Variants in NAALADL2 observed in about 807,000 individuals in gnomAD.
NAALADL2 encodes the protein inactive N-acetylated-alpha-linked acidic dipeptidase-like protein 2.
Under a neutral mutation model 87.2 loss-of-function variants are expected in NAALADL2, and 76 were observed. The ratio of observed to expected loss-of-function variants is 0.87; its 90% confidence interval spans 0.72 to 1.05. NAALADL2 has a LOEUF of 1.05. Among genes scored for constraint, NAALADL2 ranks in the 50% least tolerant of loss-of-function variants. The probability of loss-of-function intolerance (pLI) is 0.00; values close to 1 mark genes in which losing one functional copy is unlikely to be tolerated. For missense variants in NAALADL2, 1,089 were observed against 945.8 expected (o/e 1.15, Z -1.99); for synonymous variants, 354 against 331.0 (o/e 1.07, Z -0.75).
intron 1 of NAALADL2, among the ~76,000 whole-genome samples, chr3:174,873,769 C>T (rs1728148800): frequency 6.6e-6 from 1 of 151,654 alleles, no homozygotes; most frequent in Non-Finnish European, 1.5e-5. Flanking sequence ...CTCACAACAA[C>T]ATCTAAAGAA....
chr3:174,970,341 A>G (rs553878577), intron 1 of NAALADL2, among the ~76,000 whole-genome samples: 3 of 152,338 alleles, frequency 2.0e-5, no homozygotes, highest in African/African-American at 4.8e-5. Flanking sequence ...GTGAATTAGT[A>G]TGTAACATTA....
chr3:174,761,068 T>C (rs960272946), intron 3 of NAALADL2, among the ~76,000 whole-genome samples: 2 of 152,178 alleles, frequency 1.3e-5, no homozygotes, highest in African/African-American at 4.8e-5. Context: ...ATCACTTCCA[T>C]AGTAGTGCAC....
intron 2 of NAALADL2, among the ~76,000 whole-genome samples, chr3:175,121,163 T>C (rs1273773650): frequency 6.6e-6 from 1 of 151,892 alleles, no homozygotes; most frequent in Non-Finnish European, 1.5e-5. Flanking sequence ...TAACAAGGAA[T>C]AGAAATTTAC....
chr3:175,225,767 T>C (rs1744068709), intron 2 of NAALADL2, among the ~76,000 whole-genome samples: 1 of 152,150 alleles, frequency 6.6e-6, no homozygotes, highest in South Asian at 2.1e-4. Context: ...TCGTATTGTC[T>C]TACTGATTGG....
intron 3 of NAALADL2, among the ~76,000 whole-genome samples, chr3:174,748,089 C>G (rs1734450855): frequency 6.6e-6 from 1 of 152,160 alleles, no homozygotes. Flanking sequence ...CATGTTCTCA[C>G]TTATAAGTGG....
chr3:175,172,849 T>G (rs1735056232), intron 2 of NAALADL2, among the ~76,000 whole-genome samples: 1 of 152,192 alleles, frequency 6.6e-6, no homozygotes, highest in African/African-American at 2.4e-5. Flanking sequence ...TAATACTATT[T>G]GTTTTCACTT....
rs200985901 is a variant in NAALADL2, at chr3:175,504,565, T to TTCTCTC, written c.1653+32858_1653+32863dup. On this transcript the variant is annotated intron_variant, in intron 9 of 13. Coordinates refer to ENST00000454872, the MANE Select transcript of NAALADL2 (RefSeq NM_207015.3). ...CTTCTTTCTCTCTGTCTCTCTCTGT[T>TTCTCTC]TCTCTCTCTCTCTCTCTCTCTCTCT... is the stretch of plus-strand genomic sequence containing the variant. Among the ~76,000 whole-genome samples, 567 of 134,352 alleles carry TTCTCTC rather than the reference T, an allele frequency of 4.2e-3. 4 individuals are homozygous for TTCTCTC. The highest frequency in any genetic ancestry group is 6.5e-3 in the Non-Finnish European group (402 of 61,998). The allele number at this position is 134,352 out of a possible 152,430, so 88.1% of individuals were successfully genotyped here. A position where few individuals can be genotyped will look rare whatever the true frequency, so the allele number is the denominator to read the frequency against.
intron 9 of NAALADL2, among the ~76,000 whole-genome samples, chr3:175,549,456 CTTA>C (rs775494517): frequency 4.6e-5 from 7 of 151,806 alleles, no homozygotes; most frequent in South Asian, 2.1e-4. Flanking sequence ...CACATTTGAA[CTTA>C]TTAACTTAAT....
intron 11 of NAALADL2, among the ~76,000 whole-genome samples, chr3:175,692,884 TC>T (rs1273033626): frequency 1.1e-4 from 16 of 152,240 alleles, no homozygotes; most frequent in African/African-American, 3.9e-4. Flanking sequence ...CAAGGAGCTG[TC>T]CACAAGACCC....
At chr3:175,408,843 A>T (rs1712926063) in intron 5 of NAALADL2, among the ~76,000 whole-genome samples, 1 of 151,998 alleles carries the variant, frequency 6.6e-6, no homozygotes, top group Admixed American at 6.6e-5. Flanking sequence ...CACATGCTGG[A>T]ATAGGTAGTC....
chr3:175,543,705 A>T (rs959702253), intron 9 of NAALADL2, among the ~76,000 whole-genome samples: 5 of 152,198 alleles, frequency 3.3e-5, no homozygotes, highest in African/African-American at 1.2e-4. Context: ...ATTACCTCCC[A>T]CCAGGTCCCT....
intron 4 of NAALADL2, among the ~76,000 whole-genome samples, chr3:175,290,911 T>C (rs760787159): frequency 1.3e-5 from 2 of 152,154 alleles, no homozygotes; most frequent in South Asian, 2.1e-4. Context: ...GTGTTTTTTT[T>C]CTACTTCTTT....
At chr3:174,894,487 G>T (rs1731244548) in intron 1 of NAALADL2, among the ~76,000 whole-genome samples, 2 of 151,312 alleles carry the variant, frequency 1.3e-5, no homozygotes, top group East Asian at 3.9e-4. Context: ...CCAGACACTT[G>T]GGAGGCTGAG....
intron 3 of NAALADL2, among the ~76,000 whole-genome samples, chr3:174,765,346 C>G (rs1713671756): frequency 6.6e-6 from 1 of 152,114 alleles, no homozygotes. Flanking sequence ...CTAGTAAGAA[C>G]AAGTTTCATT....
chr3:175,159,553 T>C (rs1238255640), intron 2 of NAALADL2, among the ~76,000 whole-genome samples: 1 of 152,208 alleles, frequency 6.6e-6, no homozygotes, highest in Non-Finnish European at 1.5e-5. Context: ...AATATTTTCA[T>C]AATTTTTAGT....
chr3:175,309,249 G>A (rs894225901), intron 4 of NAALADL2, among the ~76,000 whole-genome samples: 3 of 151,764 alleles, frequency 2.0e-5, no homozygotes, highest in Non-Finnish European at 4.4e-5. Flanking sequence ...GGAATGGCAC[G>A]ATCTCAACTC....
chr3:175,769,034 T>A (rs1230970688), intron 13 of NAALADL2, among the ~76,000 whole-genome samples: 3 of 152,218 alleles, frequency 2.0e-5, no homozygotes, highest in Non-Finnish European at 4.4e-5. Context: ...ACTGTAAGAT[T>A]AATGCCTATG....
intron 1 of NAALADL2, among the ~76,000 whole-genome samples, chr3:174,961,180 C>T (rs925552390): frequency 4.7e-5 from 7 of 150,058 alleles, no homozygotes; most frequent in African/African-American, 1.7e-4. Flanking sequence ...GATAAGGTCT[C>T]ACTATGTTGC....
intron 13 of NAALADL2, among the ~76,000 whole-genome samples, chr3:175,779,172 A>G (rs1750671158): frequency 6.6e-6 from 1 of 152,210 alleles, no homozygotes; most frequent in African/African-American, 2.4e-5. Flanking sequence ...TTCCCTAGTG[A>G]TAAGCATGTC....
Sources: gnomAD v4.1 joint callset for allele counts (sites outside exome capture counted in the v4.1 genomes callset) on GRCh38, gnomAD v4.1.1 for gene constraint, MANE v1.5 for transcripts, NCBI Gene and HGNC (gene_info 2026-07-23, HGNC 2026-07-21) for gene names.